Variants in FOXP1 observed in about 807,000 individuals in gnomAD.
FOXP1 encodes the protein forkhead box protein P1.
Under a neutral mutation model 98.2 loss-of-function variants are expected in FOXP1, and 15 were observed. The observed-to-expected ratio is 0.15, with a 90% CI of 0.10 to 0.24. The LOEUF is 0.24. FOXP1 is among the 10% of genes least tolerant of loss of function. The probability of loss-of-function intolerance (pLI) is 1.00; values close to 1 mark genes in which losing one functional copy is unlikely to be tolerated. For missense variants in FOXP1, 633 were observed against 848.5 expected, an observed-to-expected ratio of 0.75 and a Z score of 3.15; for synonymous variants, 371 against 314.5, an observed-to-expected ratio of 1.18 and a Z score of -1.90.
At chr3:71,064,919 G>A in intron 7 of FOXP1, 1 of 490,268 alleles carries the variant, frequency 2.0e-6, no homozygotes, top group Non-Finnish European at 2.6e-6. Flanking sequence ...CGTGCAGGCG[G>A]ACTGCACGCG....
intron 3 of FOXP1, among the ~76,000 whole-genome samples, chr3:71,423,341 C>T (rs1374659254): frequency 6.6e-6 from 1 of 152,228 alleles, no homozygotes; most frequent in African/African-American, 2.4e-5. Context: ...CAGGCTCCCA[C>T]TCCCAAGACC....
intron 4 of FOXP1, among the ~76,000 whole-genome samples, chr3:71,344,002 C>T (rs1462585401): frequency 2.0e-5 from 3 of 152,158 alleles, no homozygotes; most frequent in African/African-American, 7.2e-5. Context: ...GTACATGCAG[C>T]AAAGAACTAC....
chr3:71,564,865 A>G (rs1368376986), intron 2 of FOXP1, among the ~76,000 whole-genome samples: 2 of 152,202 alleles, frequency 1.3e-5, no homozygotes, highest in African/African-American at 4.8e-5. Context: ...CTGTAATCTC[A>G]GCACTTTGGG....
chr3:71,139,587 G>A (rs1239122947), intron 6 of FOXP1, among the ~76,000 whole-genome samples: 3 of 151,948 alleles, frequency 2.0e-5, no homozygotes, highest in South Asian at 2.1e-4. Context: ...GACCGACTTT[G>A]AACAACTTTG....
At chr3:71,347,567 C>T (rs922314219) in intron 4 of FOXP1, among the ~76,000 whole-genome samples, 1 of 152,110 alleles carries the variant, frequency 6.6e-6, no homozygotes, top group African/African-American at 2.4e-5. Context: ...CATCAATCAA[C>T]AAGATACTGA....
intron 5 of FOXP1, among the ~76,000 whole-genome samples, chr3:71,286,131 A>C (rs1002433978): frequency 4.6e-5 from 7 of 152,204 alleles, no homozygotes; most frequent in Admixed American, 2.6e-4. Flanking sequence ...CTGCAATGAC[A>C]ATACCAAGTG....
At chr3:71,196,706 A>C (rs2063322896) in intron 6 of FOXP1, among the ~76,000 whole-genome samples, 1 of 152,330 alleles carries the variant, frequency 6.6e-6, no homozygotes, top group Admixed American at 6.5e-5. Flanking sequence ...AAATACACGG[A>C]GACCCTTTTA....
At chr3:71,033,623 A>G (rs1168439909) in intron 11 of FOXP1, among the ~76,000 whole-genome samples, 1 of 150,458 alleles carries the variant, frequency 6.6e-6, no homozygotes, top group African/African-American at 2.5e-5. Context: ...AAAAAAAAAA[A>G]AAAACAACCC....
At chr3:71,011,973 T>C (rs2043718163) in intron 12 of FOXP1, among the ~76,000 whole-genome samples, 1 of 152,164 alleles carries the variant, frequency 6.6e-6, no homozygotes, top group African/African-American at 2.4e-5. Context: ...TTCTAATAAA[T>C]ATAACCTAAT....
intron 14 of FOXP1, among the ~76,000 whole-genome samples, chr3:70,986,113 A>G (rs1446388663): frequency 6.6e-6 from 1 of 152,164 alleles, no homozygotes; most frequent in African/African-American, 2.4e-5. Flanking sequence ...AGAAAGTAAA[A>G]CATTTTTTTT....
rs375864281 is a variant in FOXP1 at position 71,112,667 on chromosome 3, G to A, written c.181-30C>T. 130 of 1,520,618 alleles carry A rather than the reference G, an allele frequency of 8.5e-5. No individual in the cohort carries two copies. In the East Asian group the frequency reaches 1.0e-3, roughly 12 times the overall value. The allele number at this position is 1,520,618 out of a possible 1,614,324, so 94.2% of individuals were successfully genotyped here. A position where few individuals can be genotyped will look rare whatever the true frequency, so the allele number is the denominator to read the frequency against. ...AAGGAAAAACAAGAAAATCCTTTGC[G>A]TTACTACACAGGTTCAGGGGACTCT... is the stretch of plus-strand genomic sequence containing the variant. On this transcript the variant is annotated intron_variant, in intron 6 of 20. Transcript: ENST00000649528.
chr3:71,331,400 G>A (rs952555036), intron 4 of FOXP1, among the ~76,000 whole-genome samples: 10 of 143,130 alleles, frequency 7.0e-5, no homozygotes, highest in Admixed American at 3.5e-4. Context: ...GGGCTCCTGC[G>A]CAGCCCAAGC....
intron 4 of FOXP1, among the ~76,000 whole-genome samples, chr3:71,306,580 T>C (rs931985070): frequency 4.0e-5 from 5 of 126,186 alleles, no homozygotes; most frequent in African/African-American, 1.5e-4. Flanking sequence ...TATATGTGCA[T>C]ATATACTCAC....
intron 3 of FOXP1, among the ~76,000 whole-genome samples, chr3:71,442,378 C>CAA (rs757897276): frequency 2.4e-4 from 24 of 99,162 alleles, no homozygotes; most frequent in African/African-American, 4.6e-4. Context: ...CTTAAAAAGC[C>CAA]AAAAAAAAAA....
At chr3:71,213,644 TGTCTTTAC>T (rs2064681296) in intron 5 of FOXP1, among the ~76,000 whole-genome samples, 1 of 152,014 alleles carries the variant, frequency 6.6e-6, no homozygotes, top group Non-Finnish European at 1.5e-5. Flanking sequence ...GGTGAAATCC[TGTCTTTAC>T]TAAAAATACA....
chr3:71,434,180 T>C (rs1385432656), intron 3 of FOXP1, among the ~76,000 whole-genome samples: 1 of 152,150 alleles, frequency 6.6e-6, no homozygotes, highest in African/African-American at 2.4e-5. Flanking sequence ...ACAGGACAAA[T>C]ACATCTCCAA....
At chr3:70,975,748 G>A (rs1054247771) in intron 17 of FOXP1, among the ~76,000 whole-genome samples, 5 of 152,116 alleles carry the variant, frequency 3.3e-5, no homozygotes, top group Non-Finnish European at 7.4e-5. Context: ...AAATACAAAT[G>A]ACAGAGTGTA....
At chr3:71,226,975 TCTGGTTTGGCTGTG>T (rs2065892144) in intron 5 of FOXP1, among the ~76,000 whole-genome samples, 2 of 152,122 alleles carry the variant, frequency 1.3e-5, no homozygotes. Flanking sequence ...ACAGGACGAC[TCTGGTTTGGCTGTG>T]GGTGGGGAGA....
At chr3:71,041,214 C>T (rs1006067551) in intron 11 of FOXP1, 114 bp downstream of exon 11, 1 of 825,756 alleles carries the variant, frequency 1.2e-6, no homozygotes, top group Non-Finnish European at 2.1e-6. Flanking sequence ...TAATTATATG[C>T]ACATTCAAGT....
Sources: allele counts gnomAD v4.1 joint callset (sites outside exome capture counted in the v4.1 genomes callset), GRCh38; gene constraint gnomAD v4.1.1; transcripts MANE v1.5; gene names NCBI Gene and HGNC (gene_info 2026-07-23, HGNC 2026-07-21).